NOL4: variants seen among roughly 807,000 people sequenced by gnomAD.
NOL4 encodes the protein nucleolar protein 4.
In NOL4, 17 loss-of-function variants were observed where a neutral mutation model predicts 75.9. That is an observed-to-expected ratio of 0.22 (90% CI 0.15 to 0.34). The LOEUF (loss-of-function observed/expected upper bound fraction) is 0.34, where lower values mean the gene tolerates loss of function less well. Ranked by LOEUF, NOL4 falls within the 10% of genes least tolerant of loss-of-function variation. The pLI is 1.00. For synonymous variants in NOL4, 292 were observed against 289.9 expected (o/e 1.01, Z -0.07); for missense variants, 614 against 793.5 (o/e 0.77, Z 2.72).
At chr18:33,876,545 T>A (rs1421254472) in intron 10 of NOL4, among the ~76,000 whole-genome samples, 1 of 152,122 alleles carries the variant, frequency 6.6e-6, no homozygotes, top group Admixed American at 6.6e-5. Context: ...GCTAATCTTC[T>A]GTTATGTCCT....
At chr18:33,928,781 G>T (rs1462699573) in intron 9 of NOL4, among the ~76,000 whole-genome samples, 1 of 152,104 alleles carries the variant, frequency 6.6e-6, no homozygotes, top group Non-Finnish European at 1.5e-5. Context: ...AGGAAGAATA[G>T]AAATCTTGGT....
At position 34,019,511 on chromosome 18, in the gene NOL4, T is replaced by C. The variant is rs746206779; in HGVS notation, c.863A>G (p.Asp288Gly). The C allele has an allele frequency of 3.1e-6, 5 of 1,613,848 alleles. No individual in the cohort carries two copies. The highest frequency in any genetic ancestry group is 4.2e-6 in the Non-Finnish European group (5 of 1,179,962). Reference protein sequence around the residue: ...SGGTHSREMGDSNSDGKTGLE... With the variant: ...SGGTHSREMGGSNSDGKTGLE... Reference sequence around the variant, plus strand: ...CCCAGTTTTGCCATCACTGTTGGAGTCTCCCATCTCCCTGCTGTGTGTTCC... The same window carrying C: ...CCCAGTTTTGCCATCACTGTTGGAGCCTCCCATCTCCCTGCTGTGTGTTCC... Residue 288 changes from aspartate (D) to glycine (G), a missense_variant, in exon 6 of 11, where the codon GAC becomes GGC. Physicochemically the swap from Asp to Gly is moderately conservative, Grantham distance 94. This residue lies in a region of NOL4 where 196 missense variants were observed against 167.9 expected (regional missense o/e 1.17). Transcript: ENST00000261592.
chr18:33,915,151 T>C (rs189569966), intron 9 of NOL4, among the ~76,000 whole-genome samples: 23 of 152,242 alleles, frequency 1.5e-4, no homozygotes, highest in African/African-American at 5.5e-4. Context: ...CCGTGACAAA[T>C]GCCCCTGATA....
At chr18:33,929,684 T>C (rs1480961573) in intron 9 of NOL4, among the ~76,000 whole-genome samples, 1 of 152,166 alleles carries the variant, frequency 6.6e-6, no homozygotes, top group Non-Finnish European at 1.5e-5. Context: ...CTTCCTCACT[T>C]GTTTTGTAGC....
chr18:34,132,660 T>A lies in NOL4; in HGVS notation c.265-2640A>T, dbSNP rs1350122606. On this transcript the variant is annotated intron_variant, in intron 1 of 10. Transcript: ENST00000261592. ...ATATCATGAGTTAGACAGTAAGGTATAATTAAGTCATTCAGAAACTGGAAG... is the reference window on the plus strand; with the variant it reads ...ATATCATGAGTTAGACAGTAAGGTAAAATTAAGTCATTCAGAAACTGGAAG... Among the ~76,000 whole-genome samples the A allele has an allele frequency of 1.5e-4, 23 of 150,192 alleles. No individual in the cohort carries two copies. In the Admixed American group the frequency reaches 1.5e-3, roughly 10 times the overall value.
intron 1 of NOL4, among the ~76,000 whole-genome samples, chr18:34,131,654 T>C (rs1321824053): frequency 2.0e-5 from 3 of 152,138 alleles, no homozygotes; most frequent in Admixed American, 1.3e-4. Flanking sequence ...TATTTATTGT[T>C]TATGGGAATA....
At chr18:34,057,336 G>A (rs757147400) in intron 5 of NOL4, among the ~76,000 whole-genome samples, 3 of 152,086 alleles carry the variant, frequency 2.0e-5, no homozygotes, top group Non-Finnish European at 4.4e-5. Context: ...TATTCACCTG[G>A]TGCTCAGATA....
intron 1 of NOL4, among the ~76,000 whole-genome samples, chr18:34,170,418 C>T (rs1372988984): frequency 6.6e-6 from 1 of 151,974 alleles, no homozygotes; most frequent in East Asian, 1.9e-4. Context: ...TCTCAAACTC[C>T]TGACCTCAGG....
intron 1 of NOL4, among the ~76,000 whole-genome samples, chr18:34,213,474 G>A (rs190729845): frequency 7.9e-5 from 12 of 152,176 alleles, no homozygotes; most frequent in Admixed American, 3.9e-4. Context: ...ATTTTTAGTA[G>A]AGCCGGGGTT....
intron 9 of NOL4, among the ~76,000 whole-genome samples, chr18:33,922,258 GTT>G (rs1173668933): frequency 6.6e-6 from 1 of 152,166 alleles, no homozygotes; most frequent in East Asian, 1.9e-4. Context: ...TTTTGTAACA[GTT>G]TCAAGAGATT....
intron 10 of NOL4, among the ~76,000 whole-genome samples, chr18:33,866,100 G>T (rs1478197796): frequency 6.6e-6 from 1 of 152,112 alleles, no homozygotes; most frequent in Non-Finnish European, 1.5e-5. Context: ...CAAAGCTAAG[G>T]ATCAAACATT....
At chr18:34,019,157 T>C (rs1426760264) in intron 6 of NOL4, among the ~76,000 whole-genome samples, 161 bp downstream of exon 6, 1 of 152,214 alleles carries the variant, frequency 6.6e-6, no homozygotes, top group African/African-American at 2.4e-5. Flanking sequence ...TCATATGTTA[T>C]AAACACACAA....
In NOL4 at chr18:34,223,559, A is replaced by G. The variant is rs1419409966; in HGVS notation, c.-306T>C. On this transcript the variant is annotated 5_prime_UTR_variant, in exon 1 of 11. It removes an upstream start codon present in the reference 5' UTR. Coordinates refer to ENST00000261592, the MANE Select transcript of NOL4 (RefSeq NM_003787.5). ...TTGTGACCAGGACCATCCCAACACC[A>G]TTCTGGCCCAGAGGAGCTGGGTTTT... is the stretch of plus-strand genomic sequence containing the variant. 9 of 398,528 alleles carry G rather than the reference A, an allele frequency of 2.3e-5. No homozygotes were observed. The highest frequency in any genetic ancestry group is 1.4e-4 in the African/African-American group (7 of 48,998). The allele number at this position is 398,528 out of a possible 1,614,324, so 24.7% of individuals were successfully genotyped here. A position where few individuals can be genotyped will look rare whatever the true frequency, so the allele number is the denominator to read the frequency against.
At chr18:34,036,505 C>A (rs1281855567) in intron 5 of NOL4, among the ~76,000 whole-genome samples, 3 of 152,190 alleles carry the variant, frequency 2.0e-5, no homozygotes, top group Admixed American at 1.3e-4. Flanking sequence ...TAACATCATA[C>A]TGAATGGGAA....
At chr18:33,894,820 G>C (rs2065300927) in intron 9 of NOL4, among the ~76,000 whole-genome samples, 1 of 152,098 alleles carries the variant, frequency 6.6e-6, no homozygotes, top group Non-Finnish European at 1.5e-5. Context: ...CAGCCTCTGA[G>C]CCAGTGTGGG....
intron 1 of NOL4, among the ~76,000 whole-genome samples, chr18:34,138,733 G>A (rs1286769227): frequency 6.6e-6 from 1 of 152,174 alleles, no homozygotes; most frequent in African/African-American, 2.4e-5. Flanking sequence ...AGTGGTGAGA[G>A]AGGGCATCCC....
chr18:34,187,068 A>C (rs2034517531), intron 1 of NOL4, among the ~76,000 whole-genome samples: 1 of 152,186 alleles, frequency 6.6e-6, no homozygotes, highest in South Asian at 2.1e-4. Context: ...AGTTTACATT[A>C]GGGTTTACTC....
At chr18:34,161,472 T>G (rs1434499852) in intron 1 of NOL4, among the ~76,000 whole-genome samples, 3 of 152,200 alleles carry the variant, frequency 2.0e-5, no homozygotes, top group Non-Finnish European at 2.9e-5. Context: ...AACACTATTA[T>G]GTTTATTCCT....
intron 6 of NOL4, among the ~76,000 whole-genome samples, chr18:34,015,530 C>T (rs1445936275): frequency 6.6e-6 from 1 of 151,932 alleles, no homozygotes; most frequent in African/African-American, 2.4e-5. Flanking sequence ...ATATGTTTCT[C>T]CACAAATTCC....
Sources: allele counts gnomAD v4.1 joint callset (sites outside exome capture counted in the v4.1 genomes callset), GRCh38; gene constraint gnomAD v4.1.1; regional missense constraint gnomAD v4.1.1; transcripts MANE v1.5; gene names NCBI Gene and HGNC (gene_info 2026-07-23, HGNC 2026-07-21).